Variants in ZNF440 observed in about 807,000 individuals in gnomAD.
The protein encoded by ZNF440 is zinc finger protein 440.
In ZNF440, 47 loss-of-function variants were observed where a neutral mutation model predicts 49.7. The observed-to-expected ratio is 0.95, with a 90% confidence interval of 0.75 to 1.21. ZNF440 has a LOEUF of 1.21. Among genes scored for constraint, ZNF440 ranks in the 50% most tolerant of loss-of-function variants. The probability of loss-of-function intolerance (pLI) is 0.00; values close to 1 mark genes in which losing one functional copy is unlikely to be tolerated. For missense variants in ZNF440, 703 were observed against 715.0 expected (o/e 0.98, Z 0.19); for synonymous variants, 255 against 237.7 (o/e 1.07, Z -0.67).
At chr19:11,817,144 C>T (rs1251908259) in intron 1 of ZNF440, 1 of 152,188 alleles carries the variant, frequency 6.6e-6, no homozygotes, top group African/African-American at 2.4e-5. Context: ...AAAACACAGA[C>T]TCCAGAGAAA....
intron 1 of ZNF440, chr19:11,827,459 C>T (rs974932820): frequency 2.0e-5 from 3 of 152,178 alleles, no homozygotes; most frequent in Admixed American, 2.0e-4. Context: ...AGCTGTTCTG[C>T]AAATATTTTG....
rs549200522 is a variant in ZNF440, at chr19:11,833,327, T to C, written c.*363T>C. 2.0e-6 allele frequency: 1 copy of C among 511,272 alleles called. No homozygotes were observed. Among genetic ancestry groups the C allele is most frequent in the Admixed American group, 2.9e-5 (1 of 34,476 alleles). 31.7% of individuals were successfully genotyped at this position (511,272 alleles called of 1,614,324 possible). A position where few individuals can be genotyped will look rare whatever the true frequency, so the allele number is the denominator to read the frequency against. On this transcript the variant is annotated 3_prime_UTR_variant, in exon 4 of 4. Coordinates refer to ENST00000304060, the MANE Select transcript of ZNF440 (RefSeq NM_152357.3). The stretch of plus-strand genomic sequence containing the variant: ...GCACAGAGGAGAGAAGCTCTGTGAA[T>C]GTAAGCATTGTGGGAAAGCATTCAT...
chr19:11,831,015 G>A (rs898676476), intron 3 of ZNF440, among the ~76,000 whole-genome samples: 1 of 152,176 alleles, frequency 6.6e-6, no homozygotes, highest in African/African-American at 2.4e-5. Flanking sequence ...TGAGGCAGGA[G>A]GATCACTTGA....
chr19:11,829,594 C>T (rs926852120), intron 1 of ZNF440, among the ~76,000 whole-genome samples: 2 of 152,108 alleles, frequency 1.3e-5, no homozygotes, highest in Non-Finnish European at 2.9e-5. Context: ...CCAGGCAACC[C>T]GCTTTTCTCC....
At chr19:11,818,949 G>GT (rs1474900986) in intron 1 of ZNF440, among the ~76,000 whole-genome samples, 3 of 152,146 alleles carry the variant, frequency 2.0e-5, no homozygotes, top group Non-Finnish European at 4.4e-5. Context: ...GCTGAAGACA[G>GT]TGTGATAGCC....
At chr19:11,817,289 AAG>A (rs1285268725) in intron 1 of ZNF440, 2 of 152,212 alleles carry the variant, frequency 1.3e-5, no homozygotes, top group African/African-American at 4.8e-5. Context: ...GTACAGTGCA[AAG>A]AGAGTTTATT....
chr19:11,824,182 C>CAAA (rs200865473), intron 1 of ZNF440, among the ~76,000 whole-genome samples: 1 of 60,010 alleles, frequency 1.7e-5, no homozygotes, highest in Non-Finnish European at 3.4e-5. Flanking sequence ...TACCCTGTTT[C>CAAA]AAAAAAAAAA....
At chr19:11,823,339 A>G (rs1190103217) in intron 1 of ZNF440, among the ~76,000 whole-genome samples, 2 of 152,068 alleles carry the variant, frequency 1.3e-5, no homozygotes, top group African/African-American at 2.4e-5. Flanking sequence ...GAGTGATGCA[A>G]ATATTCATGC....
At chr19:11,830,578 T>G (rs757240904) in intron 2 of ZNF440, 39 bp from the exon 3 acceptor site, 2 of 1,606,692 alleles carry the variant, frequency 1.2e-6, no homozygotes, top group African/African-American at 2.7e-5. Flanking sequence ...CACAATTTTA[T>G]ACTGCCTCAG....
At position 11,814,300 on chromosome 19, in the gene ZNF440, G is replaced by C. The variant is rs544980008; in HGVS notation, c.-148G>C. 7 of 813,592 alleles carry C rather than the reference G, an allele frequency of 8.6e-6. No individual in the cohort carries two copies. The East Asian group carries it at 2.4e-4, about 27-fold the overall frequency. 50.4% of individuals were successfully genotyped at this position (813,592 alleles called of 1,614,324 possible). A position where few individuals can be genotyped will look rare whatever the true frequency, so the allele number is the denominator to read the frequency against. On this transcript the variant is annotated 5_prime_UTR_variant, in exon 1 of 4. Transcript: ENST00000304060. ...CCTCCGTCCATTCCTTTAGTGCTGC[G>C]CCGACAGCGGTCAGGATCTCGGCTT...
chr19:11,825,174 T>TAATAACA (rs1429257573), intron 1 of ZNF440, among the ~76,000 whole-genome samples: 9 of 151,842 alleles, frequency 5.9e-5, no homozygotes, highest in Non-Finnish European at 1.0e-4. Context: ...AAATAAAAAA[T>TAATAACA]AATAAAAAAT....
In ZNF440 at chr19:11,835,087, C is replaced by G. The variant is rs1417606477; in HGVS notation, c.*2123C>G. 1 of 144,926 alleles carries G rather than the reference C, an allele frequency of 6.9e-6. No homozygotes were observed. Among genetic ancestry groups the G allele is most frequent in the Admixed American group, 6.9e-5 (1 of 14,592 alleles). The allele number at this position is 144,926 out of a possible 1,614,324, so 9.0% of individuals were successfully genotyped here. The stretch of plus-strand genomic sequence containing the variant: ...ACAAAAAAAGACTTGGCCTTAGGGC[C>G]GAGTGCGGTGGCTCACGCCTATAAT... On this transcript the variant is annotated 3_prime_UTR_variant, in exon 4 of 4. Coordinates refer to ENST00000304060, the MANE Select transcript of ZNF440 (RefSeq NM_152357.3).
chr19:11,829,147 G>C (rs1975902795), intron 1 of ZNF440, among the ~76,000 whole-genome samples: 1 of 151,934 alleles, frequency 6.6e-6, no homozygotes, highest in Non-Finnish European at 1.5e-5. Context: ...ATGATACCTG[G>C]GTATCTCTTA....
rs1975944998 is a variant in ZNF440, at chr19:11,831,806, T to A, written c.630T>A (p.His210Gln). Residue 210 changes from histidine to glutamine, a missense_variant, in exon 4 of 4, where the codon CAT (histidine) becomes CAA (glutamine). By Grantham distance (24) the His-to-Gln change is conservative. Transcript: ENST00000304060. ...YKCKFCGKAF[H>Q]CLRLYLIHER... ...GTAAGTTTTGTGGGAAAGCATTCCATTGTCTCAGATTATATCTTATCCATG... is the reference window on the plus strand; with the variant it reads ...GTAAGTTTTGTGGGAAAGCATTCCAATGTCTCAGATTATATCTTATCCATG... 1 of 1,609,142 alleles carries A rather than the reference T, an allele frequency of 6.2e-7. No homozygotes were observed. Among genetic ancestry groups the A allele is most frequent in the African/African-American group, 1.3e-5 (1 of 74,734 alleles).
chr19:11,833,985 A>G lies in ZNF440; in HGVS notation c.*1021A>G. The G allele has an allele frequency of 3.8e-6, 1 of 266,618 alleles. No homozygotes were observed. The highest frequency in any genetic ancestry group is 7.5e-6 in the Non-Finnish European group (1 of 133,900). 16.5% of individuals were successfully genotyped at this position (266,618 alleles called of 1,614,324 possible). On this transcript the variant is annotated 3_prime_UTR_variant, in exon 4 of 4. Coordinates refer to ENST00000304060, the MANE Select transcript of ZNF440 (RefSeq NM_152357.3). ...TCCCATTGGTGTCATGTATTAGATCAGCCTTATACTGTTAAATTGTTATTA... is the reference window on the plus strand; with the variant it reads ...TCCCATTGGTGTCATGTATTAGATCGGCCTTATACTGTTAAATTGTTATTA...
At chr19:11,820,901 G>T (rs896491391) in intron 1 of ZNF440, among the ~76,000 whole-genome samples, 4 of 152,174 alleles carry the variant, frequency 2.6e-5, no homozygotes, top group Admixed American at 2.0e-4. Context: ...TCAACGGGGT[G>T]GAGCAATAGC....
chr19:11,819,184 G>A (rs10422615), intron 1 of ZNF440, among the ~76,000 whole-genome samples: 2,199 of 152,134 alleles, frequency 0.014, 51 homozygotes, highest in African/African-American at 0.051. Context: ...TAAAAAAATA[G>A]TGATGAGGGA....
chr19:11,822,554 A>G (rs1975811874), intron 1 of ZNF440, among the ~76,000 whole-genome samples: 1 of 152,134 alleles, frequency 6.6e-6, no homozygotes, highest in South Asian at 2.1e-4. Flanking sequence ...CATTACCTTA[A>G]ACAGATGCCC....
intron 3 of ZNF440, among the ~76,000 whole-genome samples, chr19:11,830,924 C>G (rs1325382781): frequency 1.3e-5 from 2 of 152,130 alleles, no homozygotes; most frequent in Admixed American, 6.6e-5. Context: ...GCCTGGGCAA[C>G]ATAACGAGAC....
Sources: gnomAD v4.1 joint callset for allele counts (sites outside exome capture counted in the v4.1 genomes callset) on GRCh38, gnomAD v4.1.1 for gene constraint, MANE v1.5 for transcripts, NCBI Gene and HGNC (gene_info 2026-07-23, HGNC 2026-07-21) for gene names.